Variants in KIF6 observed in about 807,000 individuals in gnomAD.
The protein encoded by KIF6 is kinesin family member 6, also known as kinesin-like protein KIF6.
A neutral mutation model predicts 112.7 loss-of-function variants in KIF6; 106 were observed. The ratio of observed to expected loss-of-function variants is 0.94; its 90% CI spans 0.80 to 1.11. The LOEUF is 1.11. KIF6 is among the 50% of genes least tolerant of loss of function. The pLI, the probability that KIF6 is intolerant of heterozygous loss-of-function variation, is 0.00. For synonymous variants in KIF6, 339 were observed against 339.9 expected (o/e 1.00, Z 0.03); for missense variants, 929 against 964.0 (o/e 0.96, Z 0.48).
intron 15 of KIF6, among the ~76,000 whole-genome samples, chr6:39,406,676 A>T (rs1400574738): frequency 6.6e-6 from 1 of 152,178 alleles, no homozygotes; most frequent in African/African-American, 2.4e-5. Context: ...CCTTTAGTTC[A>T]AAATATTTCT....
Position 39,701,418 on chromosome 6 carries a change from G to A in KIF6, c.251+13274C>T, listed in dbSNP as rs557164438. ...TGGACTGCTCTGAGGTGTATACAGC[G>A]GGCCAAATGCTATTGCGTGGATGCT... On this transcript the variant is annotated intron_variant, in intron 3 of 22. Coordinates refer to ENST00000287152, the MANE Select transcript of KIF6 (RefSeq NM_145027.6). Among the ~76,000 whole-genome samples, 12 of 152,304 alleles carry A rather than the reference G, an allele frequency of 7.9e-5. No individual in the cohort carries two copies. In the East Asian group the frequency reaches 1.5e-3, roughly 20 times the overall value.
At chr6:39,539,073 G>A (rs1419632382) in intron 13 of KIF6, among the ~76,000 whole-genome samples, 1 of 114,584 alleles carries the variant, frequency 8.7e-6, no homozygotes, top group African/African-American at 3.3e-5. Flanking sequence ...GTTGTGGGGT[G>A]GGGGGAGGGG....
chr6:39,459,935 A>G (rs1773354828), intron 13 of KIF6, among the ~76,000 whole-genome samples: 1 of 79,014 alleles, frequency 1.3e-5, no homozygotes, highest in Non-Finnish European at 2.4e-5. Flanking sequence ...GGGACTGTAA[A>G]CTAGTTCAAC....
At chr6:39,451,123 A>G (rs1160028553) in intron 13 of KIF6, among the ~76,000 whole-genome samples, 1 of 152,186 alleles carries the variant, frequency 6.6e-6, no homozygotes, top group East Asian at 1.9e-4. Context: ...TAAATTAATT[A>G]ATTCAACAAG....
chr6:39,528,497 C>T (rs909060684), intron 13 of KIF6, among the ~76,000 whole-genome samples: 20 of 152,314 alleles, frequency 1.3e-4, no homozygotes, highest in South Asian at 6.2e-4. Context: ...CCAGAAGTGG[C>T]ATTACTGGAT....
intron 13 of KIF6, among the ~76,000 whole-genome samples, chr6:39,519,089 ACTCTTAGGCTAGC>A (rs1367717222): frequency 6.6e-6 from 1 of 152,120 alleles, no homozygotes; most frequent in Non-Finnish European, 1.5e-5. Flanking sequence ...GTTCATGAAC[ACTCTTAGGCTAGC>A]CTGATTGCAT....
intron 15 of KIF6, among the ~76,000 whole-genome samples, chr6:39,408,823 T>G (rs1190619252): frequency 6.6e-6 from 1 of 152,150 alleles, no homozygotes; most frequent in African/African-American, 2.4e-5. Context: ...AATGTACCCA[T>G]GAATCACTTA....
intron 6 of KIF6, among the ~76,000 whole-genome samples, chr6:39,598,256 G>C (rs1041224763): frequency 6.6e-6 from 1 of 151,964 alleles, no homozygotes; most frequent in African/African-American, 2.4e-5. Flanking sequence ...AGTAAGCAAA[G>C]AATATGACTA....
chr6:39,440,783 G>A (rs942545944), intron 13 of KIF6, among the ~76,000 whole-genome samples: 27 of 152,184 alleles, frequency 1.8e-4, no homozygotes, highest in Non-Finnish European at 2.9e-4. Context: ...AAGGTCAAGA[G>A]GGATAGGAAG....
At chr6:39,361,666 A>G (rs973902638) in intron 17 of KIF6, among the ~76,000 whole-genome samples, 29 of 151,620 alleles carry the variant, frequency 1.9e-4, no homozygotes, top group African/African-American at 6.8e-4. Flanking sequence ...GGGAGTGGAG[A>G]GCGACAGCAG....
chr6:39,556,625 AG>A (rs1434712489), intron 10 of KIF6, among the ~76,000 whole-genome samples: 1 of 151,842 alleles, frequency 6.6e-6, no homozygotes, highest in Admixed American at 6.6e-5. Context: ...TCAAGGAATG[AG>A]AGGCAAGACG....
chr6:39,700,346 A>T (rs1788810337), intron 3 of KIF6, among the ~76,000 whole-genome samples: 1 of 152,248 alleles, frequency 6.6e-6, no homozygotes, highest in African/African-American at 2.4e-5. Flanking sequence ...CTGTGACAAC[A>T]TTAAGGTAAA....
intron 19 of KIF6, among the ~76,000 whole-genome samples, chr6:39,351,479 T>G (rs1764243277): frequency 6.6e-6 from 1 of 152,112 alleles, no homozygotes; most frequent in Non-Finnish European, 1.5e-5. Context: ...GGTGTTGAAC[T>G]CCTGGCTCAA....
Position 39,554,537 on chromosome 6 carries a change from C to A in KIF6, c.1182-8849G>T, listed in dbSNP as rs141337197. On this transcript the variant is annotated intron_variant, in intron 10 of 22. Coordinates refer to ENST00000287152, the MANE Select transcript of KIF6 (RefSeq NM_145027.6). The stretch of plus-strand genomic sequence containing the variant: ...TGCATGTAGGACTCAGTTGACCACC[C>A]CTTACCTCTGACCCTGACAGCTCCG... The A allele has an allele frequency of 5.8e-5, 9 of 154,024 alleles. No individual in the cohort carries two copies. The Middle Eastern group carries it at 3.8e-3, about 65-fold the overall frequency. 9.5% of individuals were successfully genotyped at this position (154,024 alleles called of 1,614,324 possible).
Position 39,544,738 on chromosome 6 carries a change from ATTTCTTTG to A in KIF6, c.1288-53_1288-46del. 2.4e-6 allele frequency: 3 copies of A among 1,244,680 alleles called. No individual in the cohort carries two copies. The South Asian group carries it at 4.5e-5, about 18-fold the overall frequency. 77.1% of individuals were successfully genotyped at this position (1,244,680 alleles called of 1,614,324 possible). On this transcript the variant is annotated intron_variant, in intron 11 of 22. Transcript: ENST00000287152. Reference sequence around the variant, plus strand: ...CTTAGTACCCATATCTCTAGTCCAAATTTCTTTGTTTCTTTGACTCTTTTTCCTTTAAC... The same window carrying A: ...CTTAGTACCCATATCTCTAGTCCAAATTTCTTTGACTCTTTTTCCTTTAAC...
At chr6:39,409,667 G>C (rs1484007751) in intron 15 of KIF6, among the ~76,000 whole-genome samples, 1 of 152,188 alleles carries the variant, frequency 6.6e-6, no homozygotes, top group East Asian at 1.9e-4. Flanking sequence ...CTGGTCCACA[G>C]GATCATGTTA....
At chr6:39,507,870 CTCTT>C (rs973481800) in intron 13 of KIF6, among the ~76,000 whole-genome samples, 7 of 150,748 alleles carry the variant, frequency 4.6e-5, no homozygotes, top group Non-Finnish European at 8.9e-5. Flanking sequence ...TCTTTCTATT[CTCTT>C]TCTTTCTTTC....
intron 13 of KIF6, among the ~76,000 whole-genome samples, chr6:39,521,620 AT>A (rs747060112): frequency 6.6e-6 from 1 of 152,022 alleles, no homozygotes; most frequent in Non-Finnish European, 1.5e-5. Flanking sequence ...GAGAAAGATA[AT>A]TTCCAACCTC....
intron 5 of KIF6, among the ~76,000 whole-genome samples, chr6:39,615,171 T>TAAA (rs763197988): frequency 5.1e-5 from 7 of 136,198 alleles, no homozygotes; most frequent in Middle Eastern, 3.9e-3. Flanking sequence ...AGGCCTTTTC[T>TAAA]AAAAAAAAAA....
Sources: allele counts gnomAD v4.1 joint callset (sites outside exome capture counted in the v4.1 genomes callset), GRCh38; gene constraint gnomAD v4.1.1; transcripts MANE v1.5; gene names NCBI Gene and HGNC (gene_info 2026-07-23, HGNC 2026-07-21).